The following TRAF3IP2 variants were observed in gnomAD, a reference collection of about 807,000 sequenced individuals.
TRAF3IP2 encodes E3 ubiquitin ligase TRAF3IP2.
A neutral mutation model predicts 57.9 loss-of-function variants in TRAF3IP2; 35 were observed. The ratio of observed to expected loss-of-function variants is 0.60; its 90% CI spans 0.46 to 0.80. The LOEUF is 0.80. Ranked by LOEUF, TRAF3IP2 falls within the 30% of genes least tolerant of loss-of-function variation. The pLI is 0.00. For missense variants in TRAF3IP2, 556 were observed against 706.4 expected (o/e 0.79, Z 2.41); for synonymous variants, 251 against 268.9 (o/e 0.93, Z 0.65).
intron 1 of TRAF3IP2, among the ~76,000 whole-genome samples, chr6:111,596,691 T>G (rs1183194901): frequency 6.6e-6 from 1 of 152,172 alleles, no homozygotes; most frequent in African/African-American, 2.4e-5. Context: ...TGACCTCAGG[T>G]GATCCGCCCG....
chr6:111,571,158 C>T (rs1795817935), intron 5 of TRAF3IP2, among the ~76,000 whole-genome samples: 1 of 151,078 alleles, frequency 6.6e-6, no homozygotes, highest in African/African-American at 2.4e-5. Flanking sequence ...TCACTGCAAC[C>T]TTCACCTCCA....
chr6:111,584,886 AAAG>A (rs1796280534), intron 2 of TRAF3IP2, among the ~76,000 whole-genome samples: 1 of 152,216 alleles, frequency 6.6e-6, no homozygotes, highest in Admixed American at 6.5e-5. Flanking sequence ...CCATTTTCAT[AAAG>A]AAGTTTAACT....
intron 4 of TRAF3IP2, among the ~76,000 whole-genome samples, 159 bp downstream of exon 4, chr6:111,575,481 GGGA>G (rs948642130): frequency 6.6e-6 from 1 of 151,746 alleles, no homozygotes; most frequent in Non-Finnish European, 1.5e-5. Context: ...CCAGCTACTC[GGGA>G]GGCTGAGGCA....
rs2128382431 is a variant in TRAF3IP2 at position 111,591,934 on chromosome 6, T to G, written c.153A>C (p.Thr51=). 1 of 1,614,194 alleles carries G rather than the reference T, an allele frequency of 6.2e-7. No individual in the cohort carries two copies. ...AGTCTCCGGAGGAATTGTGAAGCAT[T>G]GTGGGTGCAGACAAGCTGTTGGGTG... ...NMAPNSLSAP[T]MLHNSSGDFS... is the part of the protein sequence containing the mutation. Residue 51 remains threonine (T), a synonymous_variant, in exon 2 of 9, where the codon ACA becomes ACC. Coordinates refer to ENST00000368761, the MANE Select transcript of TRAF3IP2 (RefSeq NM_147686.4). This position sits in a 1 kb window ranked among gnomAD's most constrained non-coding sequence, Gnocchi z 4.9.
chr6:111,604,106 C>A lies in TRAF3IP2; in HGVS notation c.-9+1670G>T, dbSNP rs534956224. Among the ~76,000 whole-genome samples the A allele has an allele frequency of 6.6e-5, 10 of 152,298 alleles. No homozygotes were observed. In the South Asian group the frequency reaches 1.2e-3, roughly 19 times the overall value. On this transcript the variant is annotated intron_variant, in intron 1 of 8. Transcript: ENST00000368761. The stretch of plus-strand genomic sequence containing the variant: ...TAGAGAGAAATGCCTAAAAACATGA[C>A]ACGGACTACACCAGGACATCCCACA...
At position 111,580,203 on chromosome 6, in the gene TRAF3IP2, C is replaced by G. The variant is rs776841106; in HGVS notation, c.1016G>C (p.Arg339Thr). ...QRDCSFPGLP[R>T]HQDQPHHQPP... ...TTGGGCCTGTCATACTTACTGGTGC[C>G]TTGGAAGCCCCGGAAAGGAGCAGTC... Residue 339 changes from arginine to threonine, a missense_variant, in exon 3 of 9, where the codon AGG becomes ACG. Physicochemically the swap from Arg to Thr is moderately conservative, Grantham distance 71. Coordinates refer to ENST00000368761, the MANE Select transcript of TRAF3IP2 (RefSeq NM_147686.4). The G allele has an allele frequency of 5.6e-6, 9 of 1,613,950 alleles. No individual in the cohort carries two copies. Among genetic ancestry groups the G allele is most frequent in the East Asian group, 2.2e-5 (1 of 44,872 alleles).
rs2128377878 is a variant in TRAF3IP2, at chr6:111,580,452, G to A, written c.830-63C>T. ...ACTCTAGCTCCTTCGTGTGAAAGGA[G>A]TCATAAGCTCCATGCTCATTTGTGT... is the stretch of plus-strand genomic sequence containing the variant. On this transcript the variant is annotated intron_variant, in intron 2 of 8. Coordinates refer to ENST00000368761, the MANE Select transcript of TRAF3IP2 (RefSeq NM_147686.4). The A allele has an allele frequency of 5.5e-6, 8 of 1,443,114 alleles. No homozygotes were observed. The East Asian group carries it at 1.7e-4, about 30-fold the overall frequency. The allele number at this position is 1,443,114 out of a possible 1,614,324, so 89.4% of individuals were successfully genotyped here. A position where few individuals can be genotyped will look rare whatever the true frequency, so the allele number is the denominator to read the frequency against.
At position 111,592,104 on chromosome 6, in the gene TRAF3IP2, G is replaced by A; in HGVS notation, c.-8-10C>T. The A allele has an allele frequency of 1.2e-6, 2 of 1,605,726 alleles. No individual in the cohort carries two copies. Among genetic ancestry groups the A allele is most frequent in the Non-Finnish European group, 8.5e-7 (1 of 1,173,960 alleles). On this transcript the variant is annotated splice_polypyrimidine_tract_variant and intron_variant, in intron 1 of 8. Coordinates refer to ENST00000368761, the MANE Select transcript of TRAF3IP2 (RefSeq NM_147686.4). Reference sequence around the variant, plus strand: ...CGGTTCATTCTAGTTTCTGGAACAAGAGAAAACATGCTATAGCCTTAGAAG... The same window carrying A: ...CGGTTCATTCTAGTTTCTGGAACAAAAGAAAACATGCTATAGCCTTAGAAG...
chr6:111,564,505 T>C (rs1795558774), intron 7 of TRAF3IP2, among the ~76,000 whole-genome samples: 1 of 152,204 alleles, frequency 6.6e-6, no homozygotes, highest in African/African-American at 2.4e-5. Flanking sequence ...ACTGAGTTTC[T>C]GTAAACTAAT....
intron 1 of TRAF3IP2, among the ~76,000 whole-genome samples, chr6:111,594,085 T>C (rs1012243112): frequency 8.4e-5 from 12 of 142,846 alleles, no homozygotes; most frequent in Middle Eastern, 3.9e-3. Context: ...GAGCTGAGAT[T>C]GCGCCACTGC....
rs576438307 is a variant in TRAF3IP2, at chr6:111,562,947, GTTTC to G, written c.1551+14_1551+17del. 2,524 of 1,585,614 alleles carry G rather than the reference GTTTC, an allele frequency of 1.6e-3. 2 individuals are homozygous for G. The highest frequency in any genetic ancestry group is 2.1e-3 in the Admixed American group (128 of 59,548). On this transcript the variant is annotated intron_variant, in intron 8 of 8. Transcript: ENST00000368761. ...CCAAAGATTGAATTATGAGGATTTTGTTTCTTTGTTTGTTTACCTTCTTAGCATT... is the reference window on the plus strand; with the variant it reads ...CCAAAGATTGAATTATGAGGATTTTGTTTGTTTGTTTACCTTCTTAGCATT...
At position 111,557,174 on chromosome 6, in the gene TRAF3IP2, T is replaced by G. The variant is rs187010950; in HGVS notation, c.*2231A>C. The G allele has an allele frequency of 8.6e-5, 13 of 151,870 alleles. No individual in the cohort carries two copies. The highest frequency in any genetic ancestry group is 3.4e-3 in the Middle Eastern group (1 of 290). The allele number at this position is 151,870 out of a possible 1,614,324, so 9.4% of individuals were successfully genotyped here. A position where few individuals can be genotyped will look rare whatever the true frequency, so the allele number is the denominator to read the frequency against. On this transcript the variant is annotated 3_prime_UTR_variant, in exon 9 of 9. Coordinates refer to ENST00000368761, the MANE Select transcript of TRAF3IP2 (RefSeq NM_147686.4). ...ACGGTGGACTGTCTTGTAGCACAAGTGAGCCTTGTTTAAGAGGCTAGTAGA... is the reference window on the plus strand; with the variant it reads ...ACGGTGGACTGTCTTGTAGCACAAGGGAGCCTTGTTTAAGAGGCTAGTAGA...
chr6:111,597,634 T>G (rs1217283979), intron 1 of TRAF3IP2, among the ~76,000 whole-genome samples: 1 of 152,200 alleles, frequency 6.6e-6, no homozygotes, highest in Admixed American at 6.5e-5. Context: ...TCACTCAGTA[T>G]CTCACCATTG....
intron 2 of TRAF3IP2, among the ~76,000 whole-genome samples, chr6:111,581,006 C>A (rs529957293): frequency 6.6e-6 from 1 of 152,348 alleles, no homozygotes; most frequent in African/African-American, 2.4e-5. Context: ...CACTTGGAGC[C>A]AGGGCTGCTT....
intron 1 of TRAF3IP2, among the ~76,000 whole-genome samples, chr6:111,604,064 C>A (rs1191023739): frequency 1.3e-5 from 2 of 152,156 alleles, no homozygotes; most frequent in African/African-American, 4.8e-5. Flanking sequence ...AATTCCTGTC[C>A]TTTCATCCCA....
At chr6:111,559,959 C>A (rs898919889) in intron 8 of TRAF3IP2, among the ~76,000 whole-genome samples, 3 of 152,224 alleles carry the variant, frequency 2.0e-5, no homozygotes, top group Admixed American at 6.5e-5. Context: ...AGCCCCAGGT[C>A]TGGCCTGCAG....
chr6:111,560,437 A>G (rs1018670841), intron 8 of TRAF3IP2, among the ~76,000 whole-genome samples: 1 of 152,220 alleles, frequency 6.6e-6, no homozygotes, highest in Admixed American at 6.5e-5. Flanking sequence ...GTAGGCCACC[A>G]TAAGGCCTTT....
chr6:111,589,103 A>C (rs1331047481), intron 2 of TRAF3IP2, among the ~76,000 whole-genome samples: 2 of 125,232 alleles, frequency 1.6e-5, no homozygotes, highest in Non-Finnish European at 3.2e-5. Context: ...ATGGAGTCTC[A>C]CTGTGTCATC....
chr6:111,592,786 A>T (rs971851516), intron 1 of TRAF3IP2, among the ~76,000 whole-genome samples: 2 of 152,188 alleles, frequency 1.3e-5, no homozygotes, highest in Non-Finnish European at 2.9e-5. Flanking sequence ...AAGCAAGCCC[A>T]AGTTTAAAAC....
Sources: allele counts gnomAD v4.1 joint callset (sites outside exome capture counted in the v4.1 genomes callset), GRCh38; gene constraint gnomAD v4.1.1; non-coding constraint Gnocchi (gnomAD v3.1); transcripts MANE v1.5; gene names NCBI Gene and HGNC (gene_info 2026-07-23, HGNC 2026-07-21).